CELSR2: variants seen among roughly 807,000 people sequenced by gnomAD.
CELSR2 encodes the protein cadherin EGF LAG seven-pass G-type receptor 2, also known as EGF-like protein 2.
In CELSR2, 81 loss-of-function variants were observed where a neutral mutation model predicts 251.6. That is an observed-to-expected ratio of 0.32 (90% CI 0.27 to 0.39). The LOEUF is 0.39. Among genes scored for constraint, CELSR2 ranks in the 10% least tolerant of loss-of-function variants. The pLI, the probability that CELSR2 is intolerant of heterozygous loss-of-function variation, is 1.00. For missense variants in CELSR2, 3,365 were observed against 3,947.7 expected (o/e 0.85, Z 3.96); for synonymous variants, 1,721 against 1,670.5 (o/e 1.03, Z -0.74).
In CELSR2 at chr1:109,269,467, A is replaced by T; in HGVS notation, c.6856A>T (p.Ser2286Cys). The change falls in exon 21 of 34, where the codon AGC (serine) becomes TGC (cysteine). Residue 2286 changes from serine to cysteine, a missense_variant. Physicochemically the swap from Ser to Cys is moderately radical, Grantham distance 112. This residue lies in a region of CELSR2 where 2,093 missense variants were observed against 2,382.8 expected (regional missense o/e 0.88). Transcript: ENST00000271332. The surrounding 1 kb of genome is among the most constrained non-coding windows in gnomAD (Gnocchi z 6.4). ...PIINTPVVSI[S>C]VHDDEELLPR... ...CATCAACACACCCGTGGTGAGCATC[A>T]GCGTCCATGATGATGAGGAGCTTCT... 6.2e-7 allele frequency: 1 copy of T among 1,614,108 alleles called. No homozygotes were observed. Among genetic ancestry groups the T allele is most frequent in the Non-Finnish European group, 8.5e-7 (1 of 1,180,000 alleles).
At chr1:109,254,889 A>G (rs896770784) in intron 1 of CELSR2, among the ~76,000 whole-genome samples, 8 of 152,198 alleles carry the variant, frequency 5.3e-5, no homozygotes, top group South Asian at 4.1e-4. Context: ...TGTGTCCTCA[A>G]CTGTGCCTGG....
At chr1:109,268,335 T>G (rs1057022456) in intron 17 of CELSR2, among the ~76,000 whole-genome samples, 12 of 152,222 alleles carry the variant, frequency 7.9e-5, no homozygotes, top group African/African-American at 2.6e-4. Context: ...TCAGGACATG[T>G]GTGTGGGTCC....
chr1:109,254,218 G>A (rs1277023187), intron 1 of CELSR2, among the ~76,000 whole-genome samples: 1 of 152,242 alleles, frequency 6.6e-6, no homozygotes, highest in Non-Finnish European at 1.5e-5. Flanking sequence ...CCAAGCTCCA[G>A]GAATGGAGTG....
chr1:109,262,259 C>G (rs371676607), intron 5 of CELSR2, 28 bp from the exon 6 acceptor site: 1 of 1,610,128 alleles, frequency 6.2e-7, no homozygotes, highest in Non-Finnish European at 8.5e-7. Flanking sequence ...ACTCAGTGTC[C>G]CCCTTCTCTG....
rs992152399 is a variant in CELSR2 at position 109,258,333 on chromosome 1, T to C, written c.3311-99T>C. 8.6e-6 allele frequency: 7 copies of C among 813,882 alleles called. No homozygotes were observed. In the East Asian group the frequency reaches 1.4e-4, roughly 16 times the overall value. 50.4% of individuals were successfully genotyped at this position (813,882 alleles called of 1,614,324 possible). ...TGACATACCTGGCTCAGCACCCTTA[T>C]GCCAGTTGGAAAGGAGAGCCTTTCT... On this transcript the variant is annotated intron_variant, in intron 1 of 33. Transcript: ENST00000271332.
In CELSR2 at chr1:109,267,658, C is replaced by T. The variant is rs1467820254; in HGVS notation, c.6108+16C>T. 3.7e-6 allele frequency: 6 copies of T among 1,613,528 alleles called. No individual in the cohort carries two copies. Among genetic ancestry groups the T allele is most frequent in the Non-Finnish European group, 3.4e-6 (4 of 1,179,666 alleles). On this transcript the variant is annotated intron_variant, in intron 16 of 33. Transcript: ENST00000271332. ...GAAGGGCTTCGTAAGTGAACCCCCT[C>T]ATCTCCATCTTTTCCCTGTCCTTCG...
At chr1:109,268,422 G>C (rs1031379394) in intron 17 of CELSR2, among the ~76,000 whole-genome samples, 159 bp from the exon 18 acceptor site, 2 of 152,210 alleles carry the variant, frequency 1.3e-5, no homozygotes, top group Non-Finnish European at 2.9e-5. Flanking sequence ...GACCTGAGTG[G>C]GCAGTGCGGT....
rs1452191457 is a variant in CELSR2, at chr1:109,269,036, G to C, written c.6631+28G>C. 8 of 1,603,134 alleles carry C rather than the reference G, an allele frequency of 5.0e-6. No individual in the cohort carries two copies. Among genetic ancestry groups the C allele is most frequent in the Non-Finnish European group, 6.8e-6 (8 of 1,171,976 alleles). ...CAGTGGTGGCCATGGATTGAGTTGG[G>C]AGCTGGACCCCAGTGTCTGTGCAGA... On this transcript the variant is annotated intron_variant, in intron 19 of 33. Transcript: ENST00000271332. This position sits in a 1 kb window ranked among gnomAD's most constrained non-coding sequence, Gnocchi z 6.4.
At position 109,268,719 on chromosome 1, in the gene CELSR2, C is replaced by G; in HGVS notation, c.6457C>G (p.Arg2153Gly). The change falls in exon 18 of 34, where the codon CGG (arginine) becomes GGG (glycine). Residue 2153 changes from arginine (R) to glycine (G), a missense_variant. By Grantham distance (125) the Arg-to-Gly change is moderately radical. Coordinates refer to ENST00000271332, the MANE Select transcript of CELSR2 (RefSeq NM_001408.3). ...AYASALAQNM[R>G]HTYLSPFTIV... ...CGCCAGTGCCCTGGCCCAGAACATG[C>G]GGCACACCTACCTAAGCCCCTTCAC... is the stretch of plus-strand genomic sequence containing the variant. The G allele has an allele frequency of 6.2e-7, 1 of 1,612,178 alleles. No homozygotes were observed. Among genetic ancestry groups the G allele is most frequent in the Non-Finnish European group, 8.5e-7 (1 of 1,178,548 alleles).
At position 109,252,784 on chromosome 1, in the gene CELSR2, G is replaced by A. The variant is rs1446038037; in HGVS notation, c.2705G>A (p.Arg902His). ...GTGGACAAGGGGATGCCCCCAGCCC[G>A]CACACCTATGGAAGTGACAGTCACT... ...YAVDKGMPPARTPMEVTVTVL... is the reference protein window; with the variant it reads ...YAVDKGMPPAHTPMEVTVTVL... Residue 902 changes from arginine (R) to histidine (H), a missense_variant, in exon 1 of 34, where the codon CGC becomes CAC. Around this residue, in one of 5 missense-constraint regions of CELSR2, gnomAD observed 505 missense variants for 660.0 expected, o/e 0.77. Coordinates refer to ENST00000271332, the MANE Select transcript of CELSR2 (RefSeq NM_001408.3). The surrounding 1 kb of genome is among the most constrained non-coding windows in gnomAD (Gnocchi z 4.8). 3.1e-6 allele frequency: 5 copies of A among 1,613,976 alleles called. No individual in the cohort carries two copies. Among genetic ancestry groups the A allele is most frequent in the South Asian group, 1.1e-5 (1 of 91,086 alleles).
chr1:109,257,286 G>A (rs1288166613), intron 1 of CELSR2, among the ~76,000 whole-genome samples: 1 of 151,300 alleles, frequency 6.6e-6, no homozygotes, highest in African/African-American at 2.4e-5. Context: ...CCAGGAGTTC[G>A]AGGCTACAGT....
Position 109,266,125 on chromosome 1 carries a change from C to G in CELSR2, c.5932C>G (p.Arg1978Gly). ...CGCAGTGAATTATGACAGCTGCCCA[C>G]GAGCGATTGAGGCTGGGATCTGGTG... ...GCEVNYDSCP[R>G]AIEAGIWWPR... The change falls in exon 15 of 34, where the codon CGA becomes GGA. Residue 1978 changes from arginine to glycine, a missense_variant. Arg to Gly is a moderately radical substitution (Grantham distance 125). This residue lies in a region of CELSR2 where 2,093 missense variants were observed against 2,382.8 expected (regional missense o/e 0.88). Transcript: ENST00000271332. The G allele has an allele frequency of 6.2e-7, 1 of 1,614,060 alleles. No individual in the cohort carries two copies. The highest frequency in any genetic ancestry group is 8.5e-7 in the Non-Finnish European group (1 of 1,180,016).
chr1:109,270,344 CCCT>C, intron 23 of CELSR2, 79 bp from the exon 24 acceptor site: 2 of 1,494,710 alleles, frequency 1.3e-6, no homozygotes, highest in Non-Finnish European at 9.2e-7. Flanking sequence ...AACACCCAGG[CCCT>C]CCTCCATGCC....
chr1:109,266,487 C>T lies in CELSR2; in HGVS notation c.6013+281C>T, dbSNP rs577088149. 9.1e-5 allele frequency: 27 copies of T among 295,298 alleles called. No homozygotes were observed. In the East Asian group the frequency reaches 1.5e-3, roughly 17 times the overall value. 18.3% of individuals were successfully genotyped at this position (295,298 alleles called of 1,614,324 possible). ...GGTGTGCAGTGGCGTGATCTCCGCT[C>T]GCTGCAACCTCTGCCTCCCAGGTTC... is the stretch of plus-strand genomic sequence containing the variant. On this transcript the variant is annotated intron_variant, in intron 15 of 33. Coordinates refer to ENST00000271332, the MANE Select transcript of CELSR2 (RefSeq NM_001408.3).
Position 109,263,564 on chromosome 1 carries a change from C to T in CELSR2, c.4835-47C>T, listed in dbSNP as rs200433230. ...CCGCTGAGCATCACAGCCCCAGGGC[C>T]CTCTGAGGCTCCACCCGTCACAGTC... is the stretch of plus-strand genomic sequence containing the variant. On this transcript the variant is annotated intron_variant, in intron 8 of 33. Coordinates refer to ENST00000271332, the MANE Select transcript of CELSR2 (RefSeq NM_001408.3). 2.2e-5 allele frequency: 35 copies of T among 1,600,428 alleles called. No homozygotes were observed. In the East Asian group the frequency reaches 3.1e-4, roughly 14 times the overall value.
At position 109,258,955 on chromosome 1, in the gene CELSR2, C is replaced by G. The variant is rs1349080856; in HGVS notation, c.3834C>G (p.Pro1278=). Residue 1278 remains proline, a synonymous_variant, in exon 2 of 34, where the codon CCC becomes CCG. Coordinates refer to ENST00000271332, the MANE Select transcript of CELSR2 (RefSeq NM_001408.3). ...GAGGGCTGCGCTGCCGCTGCCCGCCCGGCTTCACGGGTGACTACTGCGAGA... is the reference window on the plus strand; with the variant it reads ...GAGGGCTGCGCTGCCGCTGCCCGCCGGGCTTCACGGGTGACTACTGCGAGA... ...PVGGLRCRCP[P]GFTGDYCETE... 4.3e-6 allele frequency: 7 copies of G among 1,611,204 alleles called. No homozygotes were observed. The highest frequency in any genetic ancestry group is 2.2e-5 in the East Asian group (1 of 44,890).
chr1:109,264,577 A>T lies in CELSR2; in HGVS notation c.5413A>T (p.Asn1805Tyr), dbSNP rs776084621. 12 of 1,614,018 alleles carry T rather than the reference A, an allele frequency of 7.4e-6. No homozygotes were observed. Among genetic ancestry groups the T allele is most frequent in the Admixed American group, 1.7e-5 (1 of 60,012 alleles). ...DPCDSNPCPA[N>Y]SYCSNDWDSY... is the part of the protein sequence containing the mutation. ...TTGTGACTCAAACCCGTGTCCTGCT[A>T]ACAGCTATTGCAGCAACGACTGGGA... Residue 1805 changes from asparagine to tyrosine, a missense_variant, in exon 11 of 34, where the codon AAC becomes TAC. Physicochemically the swap from Asn to Tyr is moderately radical, Grantham distance 143. This residue lies in a region of CELSR2 where 2,093 missense variants were observed against 2,382.8 expected (regional missense o/e 0.88). Coordinates refer to ENST00000271332, the MANE Select transcript of CELSR2 (RefSeq NM_001408.3).
rs1272143915 is a variant in CELSR2, at chr1:109,275,751, A to G, written c.*1702A>G. 3.3e-5 allele frequency: 5 copies of G among 152,214 alleles called. No homozygotes were observed. Among genetic ancestry groups the G allele is most frequent in the Non-Finnish European group, 5.9e-5 (4 of 68,044 alleles). 9.4% of individuals were successfully genotyped at this position (152,214 alleles called of 1,614,324 possible). On this transcript the variant is annotated 3_prime_UTR_variant, in exon 34 of 34. Coordinates refer to ENST00000271332, the MANE Select transcript of CELSR2 (RefSeq NM_001408.3). ...CTGAATAAACTAGTTCTGTGCGGGT[A>G]CAGCACTGTCACTGTCCGCTTCTGT...
chr1:109,253,972 C>G (rs1033616032), intron 1 of CELSR2, among the ~76,000 whole-genome samples: 2 of 152,232 alleles, frequency 1.3e-5, no homozygotes, highest in Admixed American at 1.3e-4. Context: ...ATTCTTTTCC[C>G]TCCAGGCAGA....
Sources: allele counts gnomAD v4.1 joint callset (sites outside exome capture counted in the v4.1 genomes callset), GRCh38; gene constraint gnomAD v4.1.1; regional missense constraint gnomAD v4.1.1; non-coding constraint Gnocchi (gnomAD v3.1); transcripts MANE v1.5; gene names NCBI Gene and HGNC (gene_info 2026-07-23, HGNC 2026-07-21).